The following LMF1 variants were observed in gnomAD, a reference collection of about 807,000 sequenced individuals.
LMF1 encodes the protein lipase maturation factor 1.
A neutral mutation model predicts 60.6 loss-of-function variants in LMF1; 68 were observed. The observed-to-expected ratio is 1.12, with a 90% CI of 0.92 to 1.37. The LOEUF (loss-of-function observed/expected upper bound fraction) is 1.37. Ranked by LOEUF, LMF1 falls within the 40% of genes most tolerant of loss-of-function variation. The pLI is 0.00. For missense variants in LMF1, 948 were observed against 767.2 expected (o/e 1.24, Z -2.78); for synonymous variants, 418 against 324.7 (o/e 1.29, Z -3.09).
intron 2 of LMF1, among the ~76,000 whole-genome samples, chr16:950,063 CCAA>C (rs1490863593): frequency 1.5e-5 from 1 of 67,806 alleles, no homozygotes; most frequent in Non-Finnish European, 2.6e-5. Flanking sequence ...ACAGAGTCAG[CCAA>C]CGACAGAGTC....
chr16:935,922 G>GTACT, intron 2 of LMF1, among the ~76,000 whole-genome samples: 1 of 152,378 alleles, frequency 6.6e-6, no homozygotes, highest in Non-Finnish European at 1.5e-5. Context: ...CGGGGACAGA[G>GTACT]TACTGGAGGG....
chr16:880,947 C>T (rs1027708737), intron 5 of LMF1, among the ~76,000 whole-genome samples: 1 of 152,210 alleles, frequency 6.6e-6, no homozygotes, highest in South Asian at 2.1e-4. Context: ...GCACAGCCCG[C>T]GGGAGCCATT....
At chr16:881,145 C>T (rs1483659680) in intron 5 of LMF1, among the ~76,000 whole-genome samples, 13 of 152,186 alleles carry the variant, frequency 8.5e-5, no homozygotes, top group Admixed American at 8.5e-4. Flanking sequence ...CTGGGCAGCG[C>T]TTGCTCCGGG....
At position 870,898 on chromosome 16, in the gene LMF1, C is replaced by G; in HGVS notation, c.1079-16G>C. 3 of 1,595,166 alleles carry G rather than the reference C, an allele frequency of 1.9e-6. No individual in the cohort carries two copies. The highest frequency in any genetic ancestry group is 2.6e-6 in the Non-Finnish European group (3 of 1,174,576). ...ACCACGGAGCCTGGCAGGGGAGTGA[C>G]ATCTTCCAGGTGGGGCTCCCAGCTG... On this transcript the variant is annotated splice_polypyrimidine_tract_variant and intron_variant, in intron 7 of 10. Transcript: ENST00000262301.
chr16:908,158 AAAACT>A (rs1259449262), intron 4 of LMF1, among the ~76,000 whole-genome samples: 2 of 152,232 alleles, frequency 1.3e-5, no homozygotes, highest in Non-Finnish European at 2.9e-5. Context: ...GGTGGAACCT[AAAACT>A]AAGCCCTGGA....
rs549849453 is a variant in LMF1, at chr16:964,276, A to G, written c.193+6512T>C. 1.5e-4 allele frequency among the ~76,000 whole-genome samples: 22 copies of G among 151,624 alleles called. No individual in the cohort carries two copies. In the South Asian group the frequency reaches 4.4e-3, roughly 30 times the overall value. ...GCACCACTGCACTGCAGCCTGGGCG[A>G]AAAAGTGAAACTCTGTCTCAAAAAA... On this transcript the variant is annotated intron_variant, in intron 1 of 10. Transcript: ENST00000262301.
chr16:860,779 C>T (rs566368898), intron 10 of LMF1, among the ~76,000 whole-genome samples: 44 of 152,206 alleles, frequency 2.9e-4, no homozygotes, highest in African/African-American at 9.4e-4. Flanking sequence ...AAAACTCATC[C>T]GGGCATGTTT....
intron 1 of LMF1, among the ~76,000 whole-genome samples, chr16:956,844 CAAAA>C (rs34529324): frequency 1.1e-4 from 13 of 119,498 alleles, no homozygotes; most frequent in Admixed American, 1.7e-4. Context: ...AACTCCATCT[CAAAA>C]AAAAAAAAAA....
intron 3 of LMF1, among the ~76,000 whole-genome samples, chr16:932,605 G>A (rs1401482227): frequency 6.6e-6 from 1 of 152,024 alleles, no homozygotes; most frequent in Non-Finnish European, 1.5e-5. Flanking sequence ...AATTTTTTTT[G>A]TGGTGATAGG....
rs539533742 is a variant in LMF1, at chr16:854,417, C to T, written c.*115G>A. On this transcript the variant is annotated 3_prime_UTR_variant, in exon 11 of 11. Coordinates refer to ENST00000262301, the MANE Select transcript of LMF1 (RefSeq NM_022773.4). ...CCCCGTGCTGGGGGCTGGGTCCCAC[C>T]GCTCTCCTCTCCACGTCTCTCTTGG... 4.4e-4 allele frequency: 479 copies of T among 1,081,716 alleles called. 6 individuals are homozygous for T. The South Asian group carries it at 5.0e-3, about 11-fold the overall frequency. The allele number at this position is 1,081,716 out of a possible 1,614,324, so 67.0% of individuals were successfully genotyped here.
chr16:920,232 C>T (rs973215583), intron 3 of LMF1, among the ~76,000 whole-genome samples: 1 of 151,824 alleles, frequency 6.6e-6, no homozygotes, highest in East Asian at 1.9e-4. Context: ...ACACGACATC[C>T]ACACCGGCCC....
At position 970,932 on chromosome 16, in the gene LMF1, T is replaced by C; in HGVS notation, c.49A>G (p.Arg17Gly). Residue 17 changes from arginine (R) to glycine (G), a missense_variant, in exon 1 of 11, where the codon AGG becomes GGG. By Grantham distance (125) the Arg-to-Gly change is moderately radical (BLOSUM62 -2). Coordinates refer to ENST00000262301, the MANE Select transcript of LMF1 (RefSeq NM_022773.4). ...GGATCCGAGTACCCAGTCTTCCGCC[T>C]CCTCAGCGACTCCGCGGGCGCCGCC... is the stretch of plus-strand genomic sequence containing the variant. ...TMAAPAESLRRRKTGYSDPEP... is the reference protein window; with the variant it reads ...TMAAPAESLRGRKTGYSDPEP... 2 of 1,562,590 alleles carry C rather than the reference T, an allele frequency of 1.3e-6. No individual in the cohort carries two copies. Among genetic ancestry groups the C allele is most frequent in the Non-Finnish European group, 1.7e-6 (2 of 1,151,152 alleles).
At chr16:914,528 C>G (rs1039474926) in intron 3 of LMF1, among the ~76,000 whole-genome samples, 48 of 150,500 alleles carry the variant, frequency 3.2e-4, no homozygotes, top group African/African-American at 1.1e-3. Flanking sequence ...ATTGGTGACA[C>G]ACTCCCTCCC....
chr16:904,315 C>T (rs1272176811), intron 4 of LMF1, among the ~76,000 whole-genome samples: 25 of 123,998 alleles, frequency 2.0e-4, no homozygotes, highest in Admixed American at 7.7e-5. Context: ...CCTGTGGGGA[C>T]GCCTGTCTCT....
In LMF1 at chr16:948,879, TGACAGAGTCAGCCAAC is replaced by T. The variant is rs1310602156; in HGVS notation, c.503+5462_503+5477del. On this transcript the variant is annotated intron_variant, in intron 2 of 10. Coordinates refer to ENST00000262301, the MANE Select transcript of LMF1 (RefSeq NM_022773.4). ...CAGCCAACGACAGAGTCAGAGCCAA[TGACAGAGTCAGCCAAC>T]GACAGAGTCAGCCAACGACAGAGTC... Among the ~76,000 whole-genome samples the T allele has an allele frequency of 1.3e-3, 43 of 32,208 alleles. 1 individual carries two copies. The highest frequency in any genetic ancestry group is 1.8e-3 in the Non-Finnish European group (37 of 20,926). 21.1% of individuals were successfully genotyped at this position (32,208 alleles called of 152,430 possible).
At chr16:949,605 T>G (rs1597056397) in intron 2 of LMF1, among the ~76,000 whole-genome samples, 3 of 88,800 alleles carry the variant, frequency 3.4e-5, no homozygotes, top group Non-Finnish European at 4.0e-5. Context: ...GACGACAGAG[T>G]CAGAGACGAC....
In LMF1 at chr16:854,209, G is replaced by A. The variant is rs539867774; in HGVS notation, c.*323C>T. 1.1e-5 allele frequency: 6 copies of A among 563,256 alleles called. No homozygotes were observed. Among genetic ancestry groups the A allele is most frequent in the Non-Finnish European group, 2.0e-5 (6 of 297,560 alleles). 34.9% of individuals were successfully genotyped at this position (563,256 alleles called of 1,614,324 possible). A position where few individuals can be genotyped will look rare whatever the true frequency, so the allele number is the denominator to read the frequency against. Reference sequence around the variant, plus strand: ...GGGCTGTAGTGGAGGAAGGTGTCAGGATGGCCATTGTCTCAACTCCTGTGG... The same window carrying A: ...GGGCTGTAGTGGAGGAAGGTGTCAGAATGGCCATTGTCTCAACTCCTGTGG... On this transcript the variant is annotated 3_prime_UTR_variant, in exon 11 of 11. Transcript: ENST00000262301.
chr16:899,453 A>G (rs2070749927), intron 4 of LMF1: 1 of 152,258 alleles, frequency 6.6e-6, no homozygotes, highest in African/African-American at 2.4e-5. Flanking sequence ...CACTGATGCA[A>G]TAAAGCAATT....
chr16:899,310 A>G (rs2070746234), intron 4 of LMF1: 2 of 152,142 alleles, frequency 1.3e-5, no homozygotes, highest in Admixed American at 1.3e-4. Context: ...CATAGATATC[A>G]TTTTCTAAAA....
Sources: allele counts gnomAD v4.1 joint callset (sites outside exome capture counted in the v4.1 genomes callset), GRCh38; gene constraint gnomAD v4.1.1; transcripts MANE v1.5; gene names NCBI Gene and HGNC (gene_info 2026-07-23, HGNC 2026-07-21).